Variants in BMERB1 observed in about 807,000 individuals in gnomAD.
The protein encoded by BMERB1 is bMERB domain-containing protein 1.
BMERB1 carries 12 observed loss-of-function variants against 23.6 expected under a neutral mutation model. The observed-to-expected ratio is 0.51, with a 90% confidence interval of 0.33 to 0.82. The LOEUF is 0.82. BMERB1 is among the 40% of genes least tolerant of loss of function. The pLI is 0.03. For missense variants in BMERB1, 247 were observed against 255.4 expected (o/e 0.97, Z 0.22); for synonymous variants, 122 against 96.6 (o/e 1.26, Z -1.54).
chr16:15,562,351 G>A (rs1387479701), intron 2 of BMERB1, among the ~76,000 whole-genome samples: 2 of 151,186 alleles, frequency 1.3e-5, no homozygotes, highest in African/African-American at 4.9e-5. Context: ...TGAGTTAGGT[G>A]AGACAGAAAA....
intron 1 of BMERB1, among the ~76,000 whole-genome samples, chr16:15,485,379 A>G (rs1487962516): frequency 6.6e-6 from 1 of 152,228 alleles, no homozygotes; most frequent in Non-Finnish European, 1.5e-5. Flanking sequence ...TCTCCTGGCC[A>G]TTCAGGCCTT....
intron 3 of BMERB1, among the ~76,000 whole-genome samples, chr16:15,576,685 CA>C (rs1234660343): frequency 6.6e-6 from 1 of 152,066 alleles, no homozygotes; most frequent in African/African-American, 2.4e-5. Flanking sequence ...GAGGTGTCAA[CA>C]GGGCCTTGTT....
At chr16:15,511,536 T>C (rs190370044) in intron 1 of BMERB1, among the ~76,000 whole-genome samples, 33 of 152,302 alleles carry the variant, frequency 2.2e-4, no homozygotes, top group African/African-American at 7.5e-4. Flanking sequence ...TCTGCACTTA[T>C]CTATTTCATG....
rs777659710 is a variant in BMERB1, at chr16:15,581,276, A to G, written c.364A>G (p.Lys122Glu). 6.2e-6 allele frequency: 10 copies of G among 1,614,022 alleles called. No homozygotes were observed. Among genetic ancestry groups the G allele is most frequent in the Non-Finnish European group, 7.6e-6 (9 of 1,180,008 alleles). The change falls in exon 4 of 6, where the codon AAA becomes GAA. Residue 122 changes from lysine (K) to glutamate (E), a missense_variant. Transcript: ENST00000300006. ...GGATGAGCTAATCCAGAAGATCCACAAACTGGTGCAGAAGAGAGACTTCCT... is the reference window on the plus strand; with the variant it reads ...GGATGAGCTAATCCAGAAGATCCACGAACTGGTGCAGAAGAGAGACTTCCT... ...REDELIQKIHKLVQKRDFLVD... is the reference protein window; with the variant it reads ...REDELIQKIHELVQKRDFLVD...
chr16:15,519,179 C>A (rs377153823), intron 2 of BMERB1, among the ~76,000 whole-genome samples: 22 of 151,720 alleles, frequency 1.5e-4, no homozygotes, highest in Middle Eastern at 3.4e-3. Flanking sequence ...CAGGCTCAGG[C>A]GAGGAAGCTT....
At chr16:15,522,048 A>G (rs2051859381) in intron 2 of BMERB1, among the ~76,000 whole-genome samples, 1 of 152,148 alleles carries the variant, frequency 6.6e-6, no homozygotes, top group South Asian at 2.1e-4. Flanking sequence ...CATCTAGTCT[A>G]CCAACCCGCT....
intron 1 of BMERB1, among the ~76,000 whole-genome samples, chr16:15,468,337 G>T (rs1043160134): frequency 6.6e-6 from 1 of 151,052 alleles, no homozygotes; most frequent in Non-Finnish European, 1.5e-5. Flanking sequence ...GTAGAGATGG[G>T]GTTTGGCTGT....
intron 1 of BMERB1, among the ~76,000 whole-genome samples, chr16:15,444,697 T>C (rs994775115): frequency 6.6e-6 from 1 of 152,320 alleles, no homozygotes; most frequent in South Asian, 2.1e-4. Context: ...TGGTCCTGCA[T>C]GGAAGAGCAG....
At chr16:15,580,900 T>C (rs1389859430) in intron 3 of BMERB1, among the ~76,000 whole-genome samples, 1 of 151,736 alleles carries the variant, frequency 6.6e-6, no homozygotes, top group East Asian at 1.9e-4. Context: ...ATTTTTTGTT[T>C]TTTTTTTCTT....
Position 15,444,123 on chromosome 16 carries a change from G to GTTTTTTTTGTTT in BMERB1, c.106+9372_106+9373insGTTTTTTTTTTT, listed in dbSNP as rs2050966662. 5.6e-5 allele frequency among the ~76,000 whole-genome samples: 2 copies of GTTTTTTTTGTTT among 35,610 alleles called. 1 individual carries two copies. The highest frequency in any genetic ancestry group is 9.2e-5 in the Non-Finnish European group (2 of 21,684). The allele number at this position is 35,610 out of a possible 152,430, so 23.4% of individuals were successfully genotyped here. Reference sequence around the variant, plus strand: ...AGGCCAGGGTCCAGGCACCAGCTTTGTTTTTTTTTTTTTTTTTTTTTTTTT... The same window carrying GTTTTTTTTGTTT: ...AGGCCAGGGTCCAGGCACCAGCTTTGTTTTTTTTGTTTTTTTTTTTTTTTTTTTTTTTTTTTT... On this transcript the variant is annotated intron_variant, in intron 1 of 5. Coordinates refer to ENST00000300006, the MANE Select transcript of BMERB1 (RefSeq NM_033201.3).
intron 1 of BMERB1, among the ~76,000 whole-genome samples, chr16:15,476,676 T>C (rs1158078857): frequency 6.6e-6 from 1 of 152,098 alleles, no homozygotes; most frequent in Non-Finnish European, 1.5e-5. Flanking sequence ...TCATGGTGAG[T>C]AGCCTCACCT....
intron 2 of BMERB1, among the ~76,000 whole-genome samples, chr16:15,519,074 TACACAC>T (rs145892599): frequency 0.012 from 1,655 of 140,600 alleles, 15 homozygotes; most frequent in Middle Eastern, 0.045. Context: ...ACAATCCTCT[TACACAC>T]ACACACACAC....
intron 1 of BMERB1, among the ~76,000 whole-genome samples, chr16:15,453,556 TG>T (rs1316574316): frequency 6.6e-6 from 1 of 152,126 alleles, no homozygotes; most frequent in Non-Finnish European, 1.5e-5. Context: ...CACTCCAGCC[TG>T]GGCAATAGAG....
chr16:15,567,793 A>G (rs1228281113), intron 2 of BMERB1, among the ~76,000 whole-genome samples, 190 bp from the exon 3 acceptor site: 1 of 152,044 alleles, frequency 6.6e-6, no homozygotes, highest in Non-Finnish European at 1.5e-5. Context: ...AACAGTGATC[A>G]TTTCTAGGTG....
intron 1 of BMERB1, among the ~76,000 whole-genome samples, chr16:15,468,860 G>C (rs1314466686): frequency 2.6e-5 from 4 of 151,848 alleles, no homozygotes; most frequent in African/African-American, 9.7e-5. Flanking sequence ...TTTGTGTAAA[G>C]CATGATAATT....
chr16:15,489,663 G>A (rs2051400979), intron 1 of BMERB1, among the ~76,000 whole-genome samples: 1 of 152,052 alleles, frequency 6.6e-6, no homozygotes, highest in Non-Finnish European at 1.5e-5. Context: ...GCTCAAAATA[G>A]CTATTTTCTG....
Position 15,576,899 on chromosome 16 carries a change from C to T in BMERB1, c.305-4318C>T, listed in dbSNP as rs75939318. ...GAAAGAGAAAAGGGAACAGCTCTCT[C>T]GGTCTCTCTCGAGAAGTCCCTGAAT... On this transcript the variant is annotated intron_variant, in intron 3 of 5. Coordinates refer to ENST00000300006, the MANE Select transcript of BMERB1 (RefSeq NM_033201.3). Among the ~76,000 whole-genome samples, 20 of 152,248 alleles carry T rather than the reference C, an allele frequency of 1.3e-4. No individual in the cohort carries two copies. In the East Asian group the frequency reaches 2.9e-3, roughly 22 times the overall value.
At position 15,587,586 on chromosome 16, in the gene BMERB1, A is replaced by G. The variant is rs1321391463; in HGVS notation, c.*757A>G. On this transcript the variant is annotated 3_prime_UTR_variant, in exon 6 of 6. Transcript: ENST00000300006. ...CAGGGAACCGGAAGCTCTGATGTCAAGGCCAGAGCAGTTGAGAATGGGACC... is the reference window on the plus strand; with the variant it reads ...CAGGGAACCGGAAGCTCTGATGTCAGGGCCAGAGCAGTTGAGAATGGGACC... The G allele has an allele frequency of 2.2e-6, 1 of 451,516 alleles. No individual in the cohort carries two copies. Among genetic ancestry groups the G allele is most frequent in the East Asian group, 7.1e-5 (1 of 14,138 alleles). 28.0% of individuals were successfully genotyped at this position (451,516 alleles called of 1,614,324 possible).
At chr16:15,474,935 G>A (rs985533320) in intron 1 of BMERB1, among the ~76,000 whole-genome samples, 6 of 151,710 alleles carry the variant, frequency 4.0e-5, no homozygotes, top group Non-Finnish European at 5.9e-5. Flanking sequence ...TGATCTACCC[G>A]CTTGGCCTCC....
Sources: allele counts gnomAD v4.1 joint callset (sites outside exome capture counted in the v4.1 genomes callset), GRCh38; gene constraint gnomAD v4.1.1; transcripts MANE v1.5; gene names NCBI Gene and HGNC (gene_info 2026-07-23, HGNC 2026-07-21).